MARCHF1: variants seen among roughly 807,000 people sequenced by gnomAD.
MARCHF1 encodes membrane associated ring-CH-type finger 1.
MARCHF1 carries 40 observed loss-of-function variants against 54.2 expected under a neutral mutation model. That is an observed-to-expected ratio of 0.74 (90% CI 0.57 to 0.96). The LOEUF (loss-of-function observed/expected upper bound fraction) is 0.96. MARCHF1 is among the 40% of genes least tolerant of loss of function. The pLI is 0.00. For missense variants in MARCHF1, 586 were observed against 656.5 expected, an observed-to-expected ratio of 0.89 and a Z score of 1.17; for synonymous variants, 236 against 236.3, an observed-to-expected ratio of 1.00 and a Z score of 0.01.
chr4:163,796,664 T>C (rs1351792457), intron 4 of MARCHF1, among the ~76,000 whole-genome samples: 1 of 152,178 alleles, frequency 6.6e-6, no homozygotes, highest in Admixed American at 6.6e-5. Flanking sequence ...ATTATGATTA[T>C]TTTGGACTTC....
chr4:164,197,120 C>G, intron 1 of MARCHF1: 1 of 1,606,344 alleles, frequency 6.2e-7, no homozygotes, highest in Non-Finnish European at 8.5e-7. Context: ...CCACTCACGT[C>G]CTCCTCTTCA....
intron 3 of MARCHF1, among the ~76,000 whole-genome samples, chr4:163,894,258 G>C (rs1750726265): frequency 1.3e-5 from 2 of 152,018 alleles, no homozygotes; most frequent in Admixed American, 1.3e-4. Context: ...TGTTATTACA[G>C]CATCCTGATT....
At chr4:163,548,061 G>T (rs181494073) in intron 8 of MARCHF1, among the ~76,000 whole-genome samples, 14 of 152,222 alleles carry the variant, frequency 9.2e-5, no homozygotes, top group Admixed American at 7.2e-4. Context: ...TGTTAATTGA[G>T]TTTTTTCAAA....
intron 2 of MARCHF1, among the ~76,000 whole-genome samples, chr4:164,063,061 C>A (rs1754654646): frequency 6.6e-6 from 1 of 152,176 alleles, no homozygotes; most frequent in Non-Finnish European, 1.5e-5. Context: ...CGTTCAGTAA[C>A]CCAGGCTGCA....
intron 1 of MARCHF1, among the ~76,000 whole-genome samples, chr4:164,120,726 G>A (rs891720165): frequency 2.0e-5 from 3 of 151,992 alleles, no homozygotes; most frequent in Non-Finnish European, 2.9e-5. Flanking sequence ...ATATGCTCCC[G>A]AATGACCAGT....
At chr4:164,236,602 T>G (rs1458307643) in intron 1 of MARCHF1, among the ~76,000 whole-genome samples, 1 of 152,108 alleles carries the variant, frequency 6.6e-6, no homozygotes, top group Non-Finnish European at 1.5e-5. Context: ...TTGTCTTGTT[T>G]AACCTAAGCT....
chr4:163,533,615 C>T (rs912753677), intron 9 of MARCHF1, among the ~76,000 whole-genome samples: 6 of 150,624 alleles, frequency 4.0e-5, no homozygotes, highest in Non-Finnish European at 1.5e-5. Flanking sequence ...TGGGAACTCT[C>T]TCTTTACCTT....
intron 1 of MARCHF1, among the ~76,000 whole-genome samples, chr4:164,214,492 T>C (rs1220964388): frequency 1.3e-5 from 2 of 152,152 alleles, no homozygotes; most frequent in Non-Finnish European, 2.9e-5. Flanking sequence ...TTTTTAAATG[T>C]CTAATATGAC....
At chr4:164,220,667 CTATATG>C (rs1254069418) in intron 1 of MARCHF1, among the ~76,000 whole-genome samples, 6 of 134,310 alleles carry the variant, frequency 4.5e-5, no homozygotes, top group Admixed American at 1.5e-4. Context: ...AATATATATG[CTATATG>C]TATATATGTA....
chr4:163,765,713 TG>T (rs1483650023), intron 4 of MARCHF1, among the ~76,000 whole-genome samples: 1 of 151,754 alleles, frequency 6.6e-6, no homozygotes, highest in Non-Finnish European at 1.5e-5. Context: ...ACTACTTTCA[TG>T]GTGTCCAAGT....
chr4:163,818,996 T>C (rs1748619642), intron 4 of MARCHF1, among the ~76,000 whole-genome samples: 1 of 152,110 alleles, frequency 6.6e-6, no homozygotes, highest in Non-Finnish European at 1.5e-5. Flanking sequence ...CAAACCATGC[T>C]ATTTATCTGT....
chr4:163,624,828 TA>T (rs1741814054), intron 5 of MARCHF1, among the ~76,000 whole-genome samples: 1 of 152,222 alleles, frequency 6.6e-6, no homozygotes, highest in Non-Finnish European at 1.5e-5. Context: ...TGTTGAGAAA[TA>T]GGAAAATATT....
intron 4 of MARCHF1, among the ~76,000 whole-genome samples, chr4:163,843,736 T>C (rs1234357124): frequency 6.6e-6 from 1 of 152,030 alleles, no homozygotes; most frequent in South Asian, 2.1e-4. Context: ...TTCTTCTCCT[T>C]GTGTCCATGT....
chr4:163,951,707 G>A (rs1224977620), intron 3 of MARCHF1, among the ~76,000 whole-genome samples: 1 of 152,156 alleles, frequency 6.6e-6, no homozygotes, highest in Non-Finnish European at 1.5e-5. Flanking sequence ...TCCTAGAAAG[G>A]TCTTGTGGAT....
At chr4:164,382,490 A>G (rs1731396684) in intron 1 of MARCHF1, among the ~76,000 whole-genome samples, 1 of 152,206 alleles carries the variant, frequency 6.6e-6, no homozygotes, top group African/African-American at 2.4e-5. Context: ...CATTTAATAT[A>G]CATTAAATTC....
At chr4:164,083,339 C>T (rs145516688) in intron 2 of MARCHF1, among the ~76,000 whole-genome samples, 117 of 151,926 alleles carry the variant, frequency 7.7e-4, no homozygotes, top group African/African-American at 2.3e-3. Flanking sequence ...GTCTCTCAGA[C>T]CAAGTATCAT....
At chr4:163,800,036 G>A (rs113980733) in intron 4 of MARCHF1, among the ~76,000 whole-genome samples, 32 of 152,142 alleles carry the variant, frequency 2.1e-4, no homozygotes, top group East Asian at 3.9e-4. Flanking sequence ...ATGCAGGAAC[G>A]GAAAACCAAA....
At chr4:163,619,776 A>T (rs1305343944) in intron 5 of MARCHF1, among the ~76,000 whole-genome samples, 1 of 152,174 alleles carries the variant, frequency 6.6e-6, no homozygotes, top group Non-Finnish European at 1.5e-5. Context: ...ACAGCAAAAA[A>T]AAAGACCCAT....
chr4:164,351,095 C>A (rs948170813), intron 1 of MARCHF1, among the ~76,000 whole-genome samples: 1 of 152,364 alleles, frequency 6.6e-6, no homozygotes, highest in East Asian at 1.9e-4. Context: ...TATCCCTCAC[C>A]TGGCTCGGAG....
Sources: gnomAD v4.1 joint callset for allele counts (sites outside exome capture counted in the v4.1 genomes callset) on GRCh38, gnomAD v4.1.1 for gene constraint, MANE v1.5 for transcripts, NCBI Gene and HGNC (gene_info 2026-07-23, HGNC 2026-07-21) for gene names.